Variants in POU2F1 observed in about 807,000 individuals in gnomAD.
The protein encoded by POU2F1 is POU class 2 homeobox 1.
POU2F1 carries 16 observed loss-of-function variants against 84.9 expected under a neutral mutation model. That is an observed-to-expected ratio of 0.19 (90% CI 0.13 to 0.29). The LOEUF (loss-of-function observed/expected upper bound fraction) is 0.29, where lower values mean the gene tolerates loss of function less well. Among genes scored for constraint, POU2F1 ranks in the 10% least tolerant of loss-of-function variants. POU2F1 has a pLI of 1.00. For synonymous variants in POU2F1, 368 were observed against 368.3 expected (o/e 1.00, Z 0.01); for missense variants, 738 against 942.6 (o/e 0.78, Z 2.84).
At chr1:167,334,444 C>T (rs1657299052) in intron 2 of POU2F1, among the ~76,000 whole-genome samples, 1 of 152,094 alleles carries the variant, frequency 6.6e-6, no homozygotes, top group South Asian at 2.1e-4. Context: ...ACCATTATTT[C>T]AAATTATAGG....
At chr1:167,291,329 A>AG (rs1300106155) in intron 1 of POU2F1, among the ~76,000 whole-genome samples, 2 of 152,220 alleles carry the variant, frequency 1.3e-5, no homozygotes, top group Admixed American at 6.5e-5. Flanking sequence ...GAAGAGATAA[A>AG]GGTTGCCTTT....
At chr1:167,297,502 C>G (rs1358173861) in intron 1 of POU2F1, among the ~76,000 whole-genome samples, 1 of 152,146 alleles carries the variant, frequency 6.6e-6, no homozygotes, top group African/African-American at 2.4e-5. Flanking sequence ...AGAGAGTAGT[C>G]TCAGTATTCT....
chr1:167,336,566 A>G (rs951666167), intron 2 of POU2F1, among the ~76,000 whole-genome samples: 10 of 152,184 alleles, frequency 6.6e-5, no homozygotes, highest in Non-Finnish European at 1.5e-4. Flanking sequence ...CTTGATGTAT[A>G]CTATAGATTG....
intron 1 of POU2F1, among the ~76,000 whole-genome samples, chr1:167,229,490 C>T (rs1648897915): frequency 6.6e-6 from 1 of 152,058 alleles, no homozygotes; most frequent in African/African-American, 2.4e-5. Flanking sequence ...TGCCACTGTG[C>T]GTGTGGACTG....
At chr1:167,245,239 ATTTC>A (rs1396297899) in intron 1 of POU2F1, among the ~76,000 whole-genome samples, 1 of 151,080 alleles carries the variant, frequency 6.6e-6, no homozygotes, top group Non-Finnish European at 1.5e-5. Context: ...TGTGACTCAA[ATTTC>A]TTTTTTTTTT....
intron 1 of POU2F1, among the ~76,000 whole-genome samples, chr1:167,240,522 T>G (rs1649822477): frequency 6.6e-6 from 1 of 152,208 alleles, no homozygotes; most frequent in African/African-American, 2.4e-5. Flanking sequence ...GAGAAGGGAT[T>G]CCTGCTGTTC....
chr1:167,243,846 C>T (rs1650103357), intron 1 of POU2F1, among the ~76,000 whole-genome samples: 1 of 152,204 alleles, frequency 6.6e-6, no homozygotes, highest in Admixed American at 6.5e-5. Context: ...TAATTAGCAT[C>T]ATGACCACTA....
At chr1:167,361,295 A>G (rs191528808) in intron 2 of POU2F1, among the ~76,000 whole-genome samples, 4 of 152,108 alleles carry the variant, frequency 2.6e-5, no homozygotes, top group Admixed American at 1.3e-4. Flanking sequence ...GTTCCATATG[A>G]TATTGGCTAT....
chr1:167,247,074 A>G (rs1557843393), intron 1 of POU2F1, among the ~76,000 whole-genome samples: 1 of 141,638 alleles, frequency 7.1e-6, no homozygotes, highest in African/African-American at 2.6e-5. Context: ...GTGTGATTGA[A>G]TTTTTTTTTT....
Position 167,423,973 on chromosome 1 carries a change from GA to G in POU2F1, c.*8167del, listed in dbSNP as rs1489082106. 1 of 152,266 alleles carries G rather than the reference GA, an allele frequency of 6.6e-6. No individual in the cohort carries two copies. Among genetic ancestry groups the G allele is most frequent in the African/African-American group, 2.4e-5 (1 of 41,476 alleles). 9.4% of individuals were successfully genotyped at this position (152,266 alleles called of 1,614,324 possible). A position where few individuals can be genotyped will look rare whatever the true frequency, so the allele number is the denominator to read the frequency against. Reference sequence around the variant, plus strand: ...ATGAAAAAGGACAGAGCCAAGTAGAGAAAAGACTTTGTGCTCCCACCCAGCC... The same window carrying G: ...ATGAAAAAGGACAGAGCCAAGTAGAGAAAGACTTTGTGCTCCCACCCAGCC... On this transcript the variant is annotated 3_prime_UTR_variant, in exon 16 of 16. Coordinates refer to ENST00000367866, the MANE Select transcript of POU2F1 (RefSeq NM_002697.4).
chr1:167,266,446 A>G (rs1367408096), intron 1 of POU2F1, among the ~76,000 whole-genome samples: 1 of 152,102 alleles, frequency 6.6e-6, no homozygotes, highest in Non-Finnish European at 1.5e-5. Flanking sequence ...TTCATCGGTA[A>G]TTAAGTGTGT....
At chr1:167,369,774 A>G (rs1659892943) in intron 3 of POU2F1, among the ~76,000 whole-genome samples, 1 of 152,218 alleles carries the variant, frequency 6.6e-6, no homozygotes, top group Non-Finnish European at 1.5e-5. Context: ...TTCTAATAAT[A>G]AAGAATGTAT....
At chr1:167,256,253 A>C (rs557046465) in intron 1 of POU2F1, among the ~76,000 whole-genome samples, 87 of 152,256 alleles carry the variant, frequency 5.7e-4, no homozygotes, top group Middle Eastern at 3.4e-3. Flanking sequence ...TTGGGGGTAG[A>C]AGAGAAGAGA....
rs1648460866 is a variant in POU2F1, at chr1:167,392,099, C to G, written c.987+2338C>G. ...GCACAGTGGCTCACACCTGTAATCC[C>G]AGCACTTTGGGAGGCCGAGGCAGGT... On this transcript the variant is annotated intron_variant, in intron 9 of 15. Coordinates refer to ENST00000367866, the MANE Select transcript of POU2F1 (RefSeq NM_002697.4). Among the ~76,000 whole-genome samples the G allele has an allele frequency of 2.0e-5, 3 of 152,088 alleles. No homozygotes were observed. The South Asian group carries it at 6.2e-4, about 32-fold the overall frequency.
Position 167,425,382 on chromosome 1 carries a change from G to C in POU2F1, c.*9572G>C, listed in dbSNP as rs1312796280. ...GTGTCCTGGCACTTAGAAGAGTGAG[G>C]CCAGGGAAGGTGGGGCGGGGGGACC... On this transcript the variant is annotated 3_prime_UTR_variant, in exon 16 of 16. Transcript: ENST00000367866. The C allele has an allele frequency of 6.6e-6, 1 of 152,330 alleles. No homozygotes were observed. The highest frequency in any genetic ancestry group is 1.5e-5 in the Non-Finnish European group (1 of 68,146). 9.4% of individuals were successfully genotyped at this position (152,330 alleles called of 1,614,324 possible).
chr1:167,356,136 C>T (rs1047353810), intron 2 of POU2F1, among the ~76,000 whole-genome samples: 1 of 151,020 alleles, frequency 6.6e-6, no homozygotes, highest in Admixed American at 6.6e-5. Context: ...AGGCACGTCC[C>T]ACCACGCCTA....
chr1:167,424,923 G>T lies in POU2F1; in HGVS notation c.*9113G>T, dbSNP rs1284725045. 4 of 152,064 alleles carry T rather than the reference G, an allele frequency of 2.6e-5. No individual in the cohort carries two copies. The highest frequency in any genetic ancestry group is 6.6e-5 in the Admixed American group (1 of 15,262). The allele number at this position is 152,064 out of a possible 1,614,324, so 9.4% of individuals were successfully genotyped here. A position where few individuals can be genotyped will look rare whatever the true frequency, so the allele number is the denominator to read the frequency against. ...TTCTCCTCTGAGGCCTCAGGGTTCTGTTTCTTTTCAGGACTTTGGGTAGAA... is the reference window on the plus strand; with the variant it reads ...TTCTCCTCTGAGGCCTCAGGGTTCTTTTTCTTTTCAGGACTTTGGGTAGAA... On this transcript the variant is annotated 3_prime_UTR_variant, in exon 16 of 16. Transcript: ENST00000367866.
rs12737460 is a variant in POU2F1 at position 167,351,474 on chromosome 1, G to A, written c.128-13993G>A. On this transcript the variant is annotated intron_variant, in intron 2 of 15. Coordinates refer to ENST00000367866, the MANE Select transcript of POU2F1 (RefSeq NM_002697.4). ...CGCAGGGTTGCAGTGAGCCGAGATCGCGCCACTGCACTCCAGCCTGGTCAG... is the reference window on the plus strand; with the variant it reads ...CGCAGGGTTGCAGTGAGCCGAGATCACGCCACTGCACTCCAGCCTGGTCAG... 7.9e-3 allele frequency among the ~76,000 whole-genome samples: 1,054 copies of A among 133,304 alleles called. 6 individuals carry two copies. The highest frequency in any genetic ancestry group is 0.012 in the Non-Finnish European group (755 of 64,562). The allele number at this position is 133,304 out of a possible 152,430, so 87.5% of individuals were successfully genotyped here.
At position 167,417,372 on chromosome 1, in the gene POU2F1, T is replaced by C. The variant is rs549020960; in HGVS notation, c.*1562T>C. 1.3e-5 allele frequency: 2 copies of C among 152,336 alleles called. No homozygotes were observed. The highest frequency in any genetic ancestry group is 2.4e-5 in the African/African-American group (1 of 41,556). The allele number at this position is 152,336 out of a possible 1,614,324, so 9.4% of individuals were successfully genotyped here. A position where few individuals can be genotyped will look rare whatever the true frequency, so the allele number is the denominator to read the frequency against. Reference sequence around the variant, plus strand: ...TGGCAATACACATCTCTTTATTCAATGTAGAAAGTAATTAGCTCTGTAATT... The same window carrying C: ...TGGCAATACACATCTCTTTATTCAACGTAGAAAGTAATTAGCTCTGTAATT... On this transcript the variant is annotated 3_prime_UTR_variant, in exon 16 of 16. Coordinates refer to ENST00000367866, the MANE Select transcript of POU2F1 (RefSeq NM_002697.4).
Sources: allele counts gnomAD v4.1 joint callset (sites outside exome capture counted in the v4.1 genomes callset), GRCh38; gene constraint gnomAD v4.1.1; transcripts MANE v1.5; gene names NCBI Gene and HGNC (gene_info 2026-07-23, HGNC 2026-07-21).